The following PKP4 variants were observed in gnomAD, a reference collection of about 807,000 sequenced individuals.
PKP4 encodes plakophilin-4.
In PKP4, 90 loss-of-function variants were observed where a neutral mutation model predicts 145.1. The observed-to-expected ratio is 0.62, with a 90% CI of 0.52 to 0.74. The LOEUF (loss-of-function observed/expected upper bound fraction) is 0.74. Ranked by LOEUF, PKP4 falls within the 30% of genes least tolerant of loss-of-function variation. The pLI, the probability that PKP4 is intolerant of heterozygous loss-of-function variation, is 0.00. For synonymous variants in PKP4, 563 were observed against 577.2 expected, an observed-to-expected ratio of 0.98 and a Z score of 0.35; for missense variants, 1,340 against 1,482.7, an observed-to-expected ratio of 0.90 and a Z score of 1.58.
intron 1 of PKP4, among the ~76,000 whole-genome samples, chr2:158,462,659 C>G (rs1396333696): frequency 6.6e-6 from 1 of 152,150 alleles, no homozygotes; most frequent in African/African-American, 2.4e-5. Context: ...GGGATTTCAC[C>G]TTCATACTCA....
intron 1 of PKP4, among the ~76,000 whole-genome samples, chr2:158,524,492 T>TG (rs1277502694): frequency 1.8e-5 from 2 of 112,224 alleles, no homozygotes; most frequent in Non-Finnish European, 3.7e-5. Context: ...GCACTAAACA[T>TG]GGAAAGGAAC....
chr2:158,663,580 GGGGTT>G, intron 15 of PKP4, 135 bp downstream of exon 15: 1 of 691,546 alleles, frequency 1.4e-6, no homozygotes, highest in Admixed American at 2.9e-5. Context: ...TGTGTGTGAA[GGGGTT>G]AAAGGGAAAA....
In PKP4 at chr2:158,620,973, A is replaced by C; in HGVS notation, c.281-17A>C. 6.2e-7 allele frequency: 1 copy of C among 1,611,454 alleles called. No homozygotes were observed. Among genetic ancestry groups the C allele is most frequent in the Non-Finnish European group, 8.5e-7 (1 of 1,178,372 alleles). On this transcript the variant is annotated splice_polypyrimidine_tract_variant and intron_variant, in intron 4 of 21. Transcript: ENST00000389759. ...TAATGTTATTATATTTAGCTGATTA[A>C]ACTTTTCTTGTTACAGACGTGCCAA... is the stretch of plus-strand genomic sequence containing the variant.
At chr2:158,601,019 T>A (rs1054811881) in intron 3 of PKP4, among the ~76,000 whole-genome samples, 1 of 152,276 alleles carries the variant, frequency 6.6e-6, no homozygotes, top group East Asian at 1.9e-4. Context: ...TTGACCTGCT[T>A]ATACTAGGTA....
At chr2:158,633,837 T>G (rs980064067) in intron 8 of PKP4, among the ~76,000 whole-genome samples, 1 of 152,210 alleles carries the variant, frequency 6.6e-6, no homozygotes, top group Non-Finnish European at 1.5e-5. Flanking sequence ...TATAAGCAGA[T>G]TTGTAGTTTC....
At chr2:158,621,596 A>T (rs1020594805) in intron 6 of PKP4, among the ~76,000 whole-genome samples, 175 bp downstream of exon 6, 13 of 152,076 alleles carry the variant, frequency 8.5e-5, no homozygotes, top group Admixed American at 7.2e-4. Context: ...AAATACAAAA[A>T]TTAGCCGGGC....
At chr2:158,479,101 T>C (rs1446688334) in intron 1 of PKP4, among the ~76,000 whole-genome samples, 1 of 152,210 alleles carries the variant, frequency 6.6e-6, no homozygotes, top group East Asian at 1.9e-4. Flanking sequence ...TTTTTATTTT[T>C]CCATTAGTAG....
chr2:158,630,527 A>G (rs1205355764), intron 7 of PKP4, among the ~76,000 whole-genome samples: 1 of 152,266 alleles, frequency 6.6e-6, no homozygotes, highest in Non-Finnish European at 1.5e-5. Context: ...TACAAAACTT[A>G]TAGCACAAAA....
intron 3 of PKP4, among the ~76,000 whole-genome samples, chr2:158,590,936 C>T (rs1393836856): frequency 6.6e-6 from 1 of 152,060 alleles, no homozygotes; most frequent in Non-Finnish European, 1.5e-5. Context: ...TCACAGTCAC[C>T]TGATACGATG....
intron 1 of PKP4, among the ~76,000 whole-genome samples, chr2:158,516,042 CTTTT>C (rs10719242): frequency 5.7e-5 from 8 of 141,144 alleles, no homozygotes; most frequent in Non-Finnish European, 7.7e-5. Context: ...GAGAATCCAT[CTTTT>C]TTTTTTTTTT....
At chr2:158,556,684 C>G (rs138279232) in intron 2 of PKP4, among the ~76,000 whole-genome samples, 38 of 152,138 alleles carry the variant, frequency 2.5e-4, no homozygotes, top group Middle Eastern at 3.4e-3. Flanking sequence ...TCTCTAAAAC[C>G]CTGCAAACTA....
In PKP4 at chr2:158,669,704, C is replaced by G; in HGVS notation, c.2729-16C>G. 6.6e-7 allele frequency: 1 copy of G among 1,517,236 alleles called. No individual in the cohort carries two copies. The highest frequency in any genetic ancestry group is 2.3e-5 in the East Asian group (1 of 43,436). The allele number at this position is 1,517,236 out of a possible 1,614,324, so 94.0% of individuals were successfully genotyped here. On this transcript the variant is annotated splice_polypyrimidine_tract_variant and intron_variant, in intron 16 of 21. Transcript: ENST00000389759. ...GTACCTTCTGGAAGTAGAATTTACT[C>G]TTTTGCCGTTGGCAGGCAAATACGC...
intron 1 of PKP4, among the ~76,000 whole-genome samples, chr2:158,491,199 C>T (rs1317047152): frequency 2.6e-5 from 4 of 152,114 alleles, no homozygotes; most frequent in Admixed American, 6.5e-5. Context: ...ATTGCATTCA[C>T]CTCCTCACCA....
At chr2:158,559,498 A>G (rs150976539) in intron 2 of PKP4, among the ~76,000 whole-genome samples, 3 of 152,268 alleles carry the variant, frequency 2.0e-5, no homozygotes, top group Admixed American at 6.5e-5. Context: ...CTCAAGCCCT[A>G]CGCAGGAACC....
chr2:158,536,690 A>G (rs911676832), intron 2 of PKP4, among the ~76,000 whole-genome samples: 13 of 152,202 alleles, frequency 8.5e-5, no homozygotes, highest in Admixed American at 7.2e-4. Context: ...ATAATGCTAG[A>G]ATTTACAATG....
At position 158,506,516 on chromosome 2, in the gene PKP4, T is replaced by C. The variant is rs558359194; in HGVS notation, c.-5-26664T>C. Among the ~76,000 whole-genome samples the C allele has an allele frequency of 8.5e-5, 13 of 152,312 alleles. 1 individual carries two copies. In the South Asian group the frequency reaches 2.7e-3, roughly 32 times the overall value. ...TAATTTGGCCACAAAAATGTTTAGA[T>C]ATGTGTCAAAGTCCTCAGGGCTTCC... On this transcript the variant is annotated intron_variant, in intron 1 of 21. Transcript: ENST00000389759.
chr2:158,489,654 A>G (rs1348814064), intron 1 of PKP4, among the ~76,000 whole-genome samples: 1 of 152,190 alleles, frequency 6.6e-6, no homozygotes, highest in Non-Finnish European at 1.5e-5. Flanking sequence ...CTTTCTTTTC[A>G]GTGTTACAGT....
intron 1 of PKP4, among the ~76,000 whole-genome samples, chr2:158,526,096 T>C (rs1402950045): frequency 6.6e-6 from 1 of 151,246 alleles, no homozygotes; most frequent in African/African-American, 2.4e-5. Context: ...ACTATTCCAA[T>C]GAATAGAAAA....
intron 1 of PKP4, among the ~76,000 whole-genome samples, chr2:158,512,448 T>C (rs2041599547): frequency 3.9e-5 from 6 of 152,168 alleles, no homozygotes; most frequent in Admixed American, 3.3e-4. Flanking sequence ...TGTGGAACGG[T>C]TGGCATGTGC....
Sources: allele counts gnomAD v4.1 joint callset (sites outside exome capture counted in the v4.1 genomes callset), GRCh38; gene constraint gnomAD v4.1.1; transcripts MANE v1.5; gene names NCBI Gene and HGNC (gene_info 2026-07-23, HGNC 2026-07-21).